Variants in TP63 observed in about 807,000 individuals in gnomAD.
TP63 encodes tumor protein 63.
TP63 carries 17 observed loss-of-function variants against 82.8 expected under a neutral mutation model. That is an observed-to-expected ratio of 0.21 (90% confidence interval 0.14 to 0.31). The LOEUF (loss-of-function observed/expected upper bound fraction) is 0.31. Ranked by LOEUF, TP63 falls within the 10% of genes least tolerant of loss-of-function variation. The probability of loss-of-function intolerance (pLI) is 1.00; values close to 1 mark genes in which losing one functional copy is unlikely to be tolerated. For missense variants in TP63, 648 were observed against 895.3 expected, an observed-to-expected ratio of 0.72 and a Z score of 3.52; for synonymous variants, 330 against 321.7, an observed-to-expected ratio of 1.03 and a Z score of -0.28.
At chr3:189,859,460 T>C (rs552593177) in intron 4 of TP63, among the ~76,000 whole-genome samples, 1 of 152,306 alleles carries the variant, frequency 6.6e-6, no homozygotes, top group East Asian at 1.9e-4. Flanking sequence ...CATGAAAAGA[T>C]GTTAAACATT....
intron 3 of TP63, among the ~76,000 whole-genome samples, chr3:189,741,215 A>AC (rs1461789663): frequency 7.4e-6 from 1 of 135,244 alleles, no homozygotes; most frequent in African/African-American, 2.8e-5. Context: ...AAAAAAAAAA[A>AC]AACCCTGAGA....
chr3:189,649,638 G>A (rs1200912882), intron 1 of TP63, among the ~76,000 whole-genome samples: 3 of 146,992 alleles, frequency 2.0e-5, no homozygotes, highest in Admixed American at 2.0e-4. Flanking sequence ...TAAAAAGAAA[G>A]GAAAACAGTG....
chr3:189,771,342 TATATA>T (rs1418664389), intron 3 of TP63, among the ~76,000 whole-genome samples: 4 of 109,204 alleles, frequency 3.7e-5, no homozygotes, highest in African/African-American at 1.9e-4. Context: ...AATATATATT[TATATA>T]ATATATTAAA....
At chr3:189,701,172 T>A (rs1717772679) in intron 1 of TP63, among the ~76,000 whole-genome samples, 1 of 152,170 alleles carries the variant, frequency 6.6e-6, no homozygotes. Context: ...TTTTTCTTTA[T>A]AAATTGCCCA....
chr3:189,648,286 A>AT lies in TP63; in HGVS notation c.62+16710dup, dbSNP rs1026379890. ...TTCTTATTTATGTTATTTTGTCCAT[A>AT]TAACACACATCACCTTTGAAAATAC... On this transcript the variant is annotated intron_variant, in intron 1 of 13. Transcript: ENST00000264731. 6.1e-5 allele frequency among the ~76,000 whole-genome samples: 9 copies of AT among 146,984 alleles called. 3 individuals are homozygous for AT. The highest frequency in any genetic ancestry group is 6.0e-4 in the Admixed American group (9 of 14,954).
intron 3 of TP63, among the ~76,000 whole-genome samples, chr3:189,745,487 T>A (rs1721297344): frequency 6.6e-6 from 1 of 151,826 alleles, no homozygotes; most frequent in Non-Finnish European, 1.5e-5. Flanking sequence ...GGCGGGCAGA[T>A]CACAAGGTCA....
At chr3:189,675,954 TC>T (rs1365226874) in intron 1 of TP63, among the ~76,000 whole-genome samples, 1 of 100,636 alleles carries the variant, frequency 9.9e-6, no homozygotes, top group Non-Finnish European at 2.1e-5. Context: ...ACACACACAT[TC>T]ATTAAAAAGA....
intron 1 of TP63, among the ~76,000 whole-genome samples, chr3:189,685,912 A>G (rs1040980507): frequency 1.3e-5 from 2 of 152,164 alleles, no homozygotes; most frequent in Non-Finnish European, 2.9e-5. Flanking sequence ...AACAAAGAGA[A>G]GGGGGATAAA....
chr3:189,631,809 A>T (rs2108601513), intron 1 of TP63, among the ~76,000 whole-genome samples: 1 of 152,122 alleles, frequency 6.6e-6, no homozygotes, highest in Non-Finnish European at 1.5e-5. Context: ...CTTCCCATTT[A>T]AAAAAAATTA....
chr3:189,670,056 A>G (rs1422250255), intron 1 of TP63, among the ~76,000 whole-genome samples: 1 of 152,004 alleles, frequency 6.6e-6, no homozygotes, highest in East Asian at 1.9e-4. Flanking sequence ...CAAAGTATAA[A>G]CCAACAAGAA....
At chr3:189,825,414 A>G (rs1729235232) in intron 4 of TP63, among the ~76,000 whole-genome samples, 2 of 152,228 alleles carry the variant, frequency 1.3e-5, no homozygotes, top group African/African-American at 4.8e-5. Flanking sequence ...TCGTGAGTCT[A>G]CCGATTAATC....
intron 10 of TP63, among the ~76,000 whole-genome samples, chr3:189,883,255 A>G (rs957492220): frequency 2.0e-5 from 3 of 152,072 alleles, no homozygotes; most frequent in African/African-American, 7.2e-5. Flanking sequence ...TTCCTTTTTC[A>G]CCGTATGTAG....
Position 189,894,593 on chromosome 3 carries a change from C to T in TP63, c.*91C>T. On this transcript the variant is annotated 3_prime_UTR_variant, in exon 14 of 14. Transcript: ENST00000264731. The stretch of plus-strand genomic sequence containing the variant: ...AATCTTCAAAGCCTTCTCCCTAGCT[C>T]CTCCCCTTCCTCTTGTCTGATTTCT... The T allele has an allele frequency of 1.4e-6, 2 of 1,449,870 alleles. No individual in the cohort carries two copies. Among genetic ancestry groups the T allele is most frequent in the Non-Finnish European group, 1.9e-6 (2 of 1,061,974 alleles). The allele number at this position is 1,449,870 out of a possible 1,614,324, so 89.8% of individuals were successfully genotyped here. A position where few individuals can be genotyped will look rare whatever the true frequency, so the allele number is the denominator to read the frequency against.
chr3:189,599,540 G>A, the TP63 span, among the ~76,000 whole-genome samples: 23 of 152,294 alleles, frequency 1.5e-4, 1 homozygote, highest in South Asian at 4.8e-3. Context: ...AATACCCAAA[G>A]TGAATAGTGA....
chr3:189,644,350 A>G (rs1447878514), intron 1 of TP63, among the ~76,000 whole-genome samples: 1 of 151,594 alleles, frequency 6.6e-6, no homozygotes, highest in Non-Finnish European at 1.5e-5. Flanking sequence ...TCCCTGTGAA[A>G]ATTTATTCCC....
chr3:189,673,117 G>A (rs1715074715), intron 1 of TP63, among the ~76,000 whole-genome samples: 1 of 152,102 alleles, frequency 6.6e-6, no homozygotes. Flanking sequence ...CAGATTACCG[G>A]CATGAGCCAT....
intron 1 of TP63, among the ~76,000 whole-genome samples, chr3:189,729,399 A>G (rs1719999420): frequency 1.3e-5 from 2 of 152,310 alleles, no homozygotes; most frequent in South Asian, 4.1e-4. Context: ...AGCTGTGGGC[A>G]ATCAGATCTT....
At chr3:189,705,066 C>A (rs4589906) in intron 1 of TP63, among the ~76,000 whole-genome samples, 106,393 of 152,082 alleles carry the variant, frequency 0.7, 38,130 homozygotes, top group African/African-American at 0.87. Context: ...TATTTTTTAC[C>A]TATGTATAAT....
chr3:189,846,120 CT>C (rs948293679), intron 4 of TP63, among the ~76,000 whole-genome samples: 55 of 151,146 alleles, frequency 3.6e-4, no homozygotes, highest in South Asian at 1.0e-3. Context: ...CACTGGAATT[CT>C]TTTTTTTTCC....
Sources: allele counts gnomAD v4.1 joint callset (sites outside exome capture counted in the v4.1 genomes callset), GRCh38; gene constraint gnomAD v4.1.1; transcripts MANE v1.5; gene names NCBI Gene and HGNC (gene_info 2026-07-23, HGNC 2026-07-21).